Variants in SOX6 observed in about 807,000 individuals in gnomAD.
The protein encoded by SOX6 is SRY-box transcription factor 6, also known as transcription factor SOX-6.
Under a neutral mutation model 97.8 loss-of-function variants are expected in SOX6, and 11 were observed. That is an observed-to-expected ratio of 0.11 (90% confidence interval 0.07 to 0.19). The LOEUF (loss-of-function observed/expected upper bound fraction) is 0.19. Ranked by LOEUF, SOX6 falls within the 10% of genes least tolerant of loss-of-function variation. The pLI is 1.00. For synonymous variants in SOX6, 360 were observed against 371.4 expected (o/e 0.97, Z 0.35); for missense variants, 810 against 1,039.5 (o/e 0.78, Z 3.04).
chr11:16,097,262 A>G (rs1469012163), intron 8 of SOX6, among the ~76,000 whole-genome samples: 1 of 151,892 alleles, frequency 6.6e-6, no homozygotes, highest in African/African-American at 2.4e-5. Context: ...TTCAATTTTT[A>G]TATGCAAAAG....
intron 2 of SOX6, among the ~76,000 whole-genome samples, chr11:16,327,344 G>T (rs1457012706): frequency 6.6e-6 from 1 of 151,952 alleles, no homozygotes; most frequent in African/African-American, 2.4e-5. Context: ...TTGTCCAATT[G>T]CCCTTTTTTT....
intron 3 of SOX6, among the ~76,000 whole-genome samples, chr11:16,254,904 A>C (rs1408240028): frequency 6.6e-6 from 1 of 152,042 alleles, no homozygotes; most frequent in Non-Finnish European, 1.5e-5. Flanking sequence ...TATAAAGATA[A>C]ATATAGATTA....
At chr11:16,664,198 A>G (rs905197094) in intron 3 of SOX6, among the ~76,000 whole-genome samples, 2 of 152,230 alleles carry the variant, frequency 1.3e-5, no homozygotes, top group African/African-American at 4.8e-5. Flanking sequence ...AACTATCCAC[A>G]TGCAAAAAAA....
intron 12 of SOX6, among the ~76,000 whole-genome samples, chr11:16,026,378 G>T (rs1855216902): frequency 6.6e-6 from 1 of 151,960 alleles, no homozygotes; most frequent in African/African-American, 2.4e-5. Flanking sequence ...GAAGTTCCGT[G>T]GCCACCATAG....
At chr11:16,143,710 T>G (rs1299013922) in intron 6 of SOX6, among the ~76,000 whole-genome samples, 2 of 152,084 alleles carry the variant, frequency 1.3e-5, no homozygotes, top group Non-Finnish European at 2.9e-5. Flanking sequence ...TCCTAGTCTC[T>G]GATAAAACAG....
chr11:15,992,892 C>CT (rs59369610), intron 13 of SOX6, among the ~76,000 whole-genome samples: 83 of 151,486 alleles, frequency 5.5e-4, no homozygotes, highest in African/African-American at 7.5e-4. Context: ...CCCAATATTA[C>CT]TTTTTTTTTC....
At chr11:16,510,128 G>A (rs1860854271) in intron 4 of SOX6, among the ~76,000 whole-genome samples, 1 of 152,000 alleles carries the variant, frequency 6.6e-6, no homozygotes, top group African/African-American at 2.4e-5. Flanking sequence ...TCTGAGGAAG[G>A]AAAAGGTTGC....
intron 13 of SOX6, 106 bp downstream of exon 13, chr11:16,014,836 T>A (rs1854833418): frequency 2.0e-6 from 2 of 1,022,002 alleles, no homozygotes; most frequent in African/African-American, 1.6e-5. Flanking sequence ...GCCTAAGAAA[T>A]CTAGTGATGA....
At chr11:16,723,244 A>G (rs1479199721) in intron 2 of SOX6, among the ~76,000 whole-genome samples, 1 of 151,912 alleles carries the variant, frequency 6.6e-6, no homozygotes, top group Non-Finnish European at 1.5e-5. Context: ...CAAATACCAC[A>G]TGTTTTCCCT....
intron 1 of SOX6, among the ~76,000 whole-genome samples, chr11:16,406,156 C>T (rs1338695222): frequency 6.6e-6 from 1 of 152,072 alleles, no homozygotes; most frequent in African/African-American, 2.4e-5. Context: ...AAGTCTCACA[C>T]AAATACTCCT....
chr11:16,235,200 A>G (rs1565037870), intron 3 of SOX6, among the ~76,000 whole-genome samples: 2 of 152,048 alleles, frequency 1.3e-5, no homozygotes, highest in South Asian at 2.1e-4. Context: ...TGAAATTAAG[A>G]TGTTCTCTGA....
chr11:16,386,374 C>T (rs1857987568), intron 1 of SOX6, among the ~76,000 whole-genome samples: 1 of 151,840 alleles, frequency 6.6e-6, no homozygotes, highest in African/African-American at 2.4e-5. Context: ...GAGTCATGGC[C>T]CTGAAACATA....
At chr11:16,336,698 T>C (rs548354051) in intron 2 of SOX6, among the ~76,000 whole-genome samples, 237 of 152,286 alleles carry the variant, frequency 1.6e-3, no homozygotes, top group Non-Finnish European at 2.9e-3. Flanking sequence ...AAAGAAAGTT[T>C]AAACACTTCC....
intron 3 of SOX6, among the ~76,000 whole-genome samples, chr11:16,672,527 A>G (rs1286804351): frequency 6.6e-6 from 1 of 152,190 alleles, no homozygotes; most frequent in South Asian, 2.1e-4. Context: ...AACATCTTAC[A>G]TGGATGGCAG....
intron 4 of SOX6, among the ~76,000 whole-genome samples, chr11:16,518,305 C>T (rs1296716068): frequency 6.6e-6 from 1 of 152,138 alleles, no homozygotes; most frequent in Non-Finnish European, 1.5e-5. Flanking sequence ...GAACGTCATT[C>T]CCCTTCAACT....
intron 12 of SOX6, among the ~76,000 whole-genome samples, chr11:16,039,396 C>T (rs1373659618): frequency 6.6e-6 from 1 of 152,026 alleles, no homozygotes; most frequent in Non-Finnish European, 1.5e-5. Flanking sequence ...ACAATTAAAA[C>T]ACATAATGCA....
chr11:16,263,850 C>T (rs1853980501), intron 3 of SOX6, among the ~76,000 whole-genome samples: 1 of 151,838 alleles, frequency 6.6e-6, no homozygotes, highest in Non-Finnish European at 1.5e-5. Flanking sequence ...AGTTTATACT[C>T]ATTCTATCAT....
chr11:16,184,008 T>C (rs539773637), intron 5 of SOX6, 54 bp from the exon 6 acceptor site: 3 of 1,439,770 alleles, frequency 2.1e-6, no homozygotes, highest in African/African-American at 2.8e-5. Context: ...ACCTCTGCCA[T>C]TACCTCAGGT....
intron 4 of SOX6, among the ~76,000 whole-genome samples, chr11:16,518,223 A>C (rs1861004362): frequency 6.6e-6 from 1 of 152,162 alleles, no homozygotes; most frequent in Non-Finnish European, 1.5e-5. Flanking sequence ...AAGATTGTTC[A>C]CTGCTTCCTC....
Sources: allele counts gnomAD v4.1 joint callset (sites outside exome capture counted in the v4.1 genomes callset), GRCh38; gene constraint gnomAD v4.1.1; transcripts MANE v1.5; gene names NCBI Gene and HGNC (gene_info 2026-07-23, HGNC 2026-07-21).